Variants in APOL6 observed in about 807,000 individuals in gnomAD.
APOL6 encodes the protein apolipoprotein L6.
APOL6 carries 1 observed loss-of-function variant against 2.4 expected under a neutral mutation model. That is an observed-to-expected ratio of 0.41 (90% CI 0.15 to 1.94). APOL6 has a LOEUF of 1.94. Ranked by LOEUF, APOL6 falls within the 30% of genes most tolerant of loss-of-function variation. The pLI is 0.30. For synonymous variants in APOL6, 189 were observed against 169.3 expected (o/e 1.12, Z -0.90); for missense variants, 438 against 429.2 (o/e 1.02, Z -0.18).
intron 1 of APOL6, among the ~76,000 whole-genome samples, chr22:35,650,952 T>TTA (rs1569133275): frequency 3.8e-4 from 58 of 150,788 alleles, no homozygotes; most frequent in African/African-American, 1.3e-3. Flanking sequence ...AAAATTTTTT[T>TTA]AAAAATAAAG....
rs771248197 is a variant in APOL6 at position 35,659,304 on chromosome 22, A to G, written c.740A>G (p.Tyr247Cys). The change falls in exon 3 of 3, where the codon TAT (tyrosine) becomes TGT (cysteine). Residue 247 changes from tyrosine (Y) to cysteine (C), a missense_variant. Tyr to Cys is a radical substitution (Grantham distance 194). Transcript: ENST00000409652. ...GTGATGTCCGCCTTCTCCCTTGGCT[A>G]TGACTTGGCCACTCTCTCAAAGGAA... ...GGVMSAFSLG[Y>C]DLATLSKEWK... 2 of 1,614,104 alleles carry G rather than the reference A, an allele frequency of 1.2e-6. No individual in the cohort carries two copies. Among genetic ancestry groups the G allele is most frequent in the African/African-American group, 1.3e-5 (1 of 75,026 alleles).
Position 35,663,765 on chromosome 22 carries a change from CAAA to C in APOL6, c.*4172_*4174del, listed in dbSNP as rs1258962963. ...CACCTGGGTTGTTTCCTTTAATGTG[CAAA>C]AATTTAAGGCTATTTAGCTGACAAC... On this transcript the variant is annotated 3_prime_UTR_variant, in exon 3 of 3. Coordinates refer to ENST00000409652, the MANE Select transcript of APOL6 (RefSeq NM_030641.4). 2.0e-5 allele frequency: 3 copies of C among 151,726 alleles called. No individual in the cohort carries two copies. Among genetic ancestry groups the C allele is most frequent in the African/African-American group, 7.3e-5 (3 of 41,284 alleles). The allele number at this position is 151,726 out of a possible 1,614,324, so 9.4% of individuals were successfully genotyped here. A position where few individuals can be genotyped will look rare whatever the true frequency, so the allele number is the denominator to read the frequency against.
chr22:35,656,309 C>T, intron 1 of APOL6, 70 bp from the exon 2 acceptor site: 1 of 1,199,996 alleles, frequency 8.3e-7, no homozygotes, highest in Non-Finnish European at 1.2e-6. Context: ...ATCCAAAATC[C>T]CTCCACACCT....
chr22:35,650,594 G>GTGAA (rs146650911), intron 1 of APOL6, among the ~76,000 whole-genome samples: 7,843 of 152,070 alleles, frequency 0.052, 325 homozygotes, highest in East Asian at 0.19. Flanking sequence ...ATGGCTATAA[G>GTGAA]TGAATGAATG....
chr22:35,655,001 G>T (rs1924806026), intron 1 of APOL6, among the ~76,000 whole-genome samples: 1 of 152,106 alleles, frequency 6.6e-6, no homozygotes, highest in African/African-American at 2.4e-5. Flanking sequence ...TTACTGACTA[G>T]TTTCTTTCTA....
In APOL6 at chr22:35,668,292, A is replaced by G. The variant is rs1290806292; in HGVS notation, c.*8696A>G. ...GATCTCTCATGTCTCCCTAAAATGT[A>G]TAAAACCACGCTGTTCCCCGACCAC... On this transcript the variant is annotated 3_prime_UTR_variant, in exon 3 of 3. Coordinates refer to ENST00000409652, the MANE Select transcript of APOL6 (RefSeq NM_030641.4). The G allele has an allele frequency of 6.6e-6, 1 of 152,220 alleles. No individual in the cohort carries two copies. Among genetic ancestry groups the G allele is most frequent in the Non-Finnish European group, 1.5e-5 (1 of 68,054 alleles). 9.4% of individuals were successfully genotyped at this position (152,220 alleles called of 1,614,324 possible).
At chr22:35,652,856 C>A (rs1188526148) in intron 1 of APOL6, among the ~76,000 whole-genome samples, 16 of 151,136 alleles carry the variant, frequency 1.1e-4, no homozygotes, top group South Asian at 8.5e-4. Flanking sequence ...GTTCTTTTGG[C>A]TTAGGATTGA....
At chr22:35,652,361 G>C (rs1218550002) in intron 1 of APOL6, among the ~76,000 whole-genome samples, 1 of 152,146 alleles carries the variant, frequency 6.6e-6, no homozygotes, top group African/African-American at 2.4e-5. Context: ...TGTTCGCTCT[G>C]ATGGTAGTTT....
At chr22:35,651,877 T>C (rs1041963198) in intron 1 of APOL6, among the ~76,000 whole-genome samples, 1 of 152,276 alleles carries the variant, frequency 6.6e-6, no homozygotes, top group Non-Finnish European at 1.5e-5. Context: ...TGTGTTTTTA[T>C]AGAAGCATGT....
rs1925248655 is a variant in APOL6 at position 35,668,310 on chromosome 22, C to G, written c.*8714C>G. 1.3e-5 allele frequency: 2 copies of G among 152,228 alleles called. No homozygotes were observed. Among genetic ancestry groups the G allele is most frequent in the Non-Finnish European group, 2.9e-5 (2 of 68,042 alleles). 9.4% of individuals were successfully genotyped at this position (152,228 alleles called of 1,614,324 possible). On this transcript the variant is annotated 3_prime_UTR_variant, in exon 3 of 3. Coordinates refer to ENST00000409652, the MANE Select transcript of APOL6 (RefSeq NM_030641.4). ...AAAATGTATAAAACCACGCTGTTCC[C>G]CGACCACCTGGAGCACATGTTCTCA...
rs142114610 is a variant in APOL6 at position 35,658,951 on chromosome 22, G to A, written c.387G>A (p.Thr129=). ...AAGVTSIVSG[T]LERSKNKEAQ... Reference sequence around the variant, plus strand: ...GGGTCACCAGCATCGTGAGTGGTACGTTGGAACGCTCCAAAAATAAAGAAG... The same window carrying A: ...GGGTCACCAGCATCGTGAGTGGTACATTGGAACGCTCCAAAAATAAAGAAG... Residue 129 remains threonine, a synonymous_variant, in exon 3 of 3, where the codon ACG becomes ACA. Transcript: ENST00000409652. 48 of 1,613,828 alleles carry A rather than the reference G, an allele frequency of 3.0e-5. No homozygotes were observed. Among genetic ancestry groups the A allele is most frequent in the African/African-American group, 5.3e-5 (4 of 74,904 alleles).
intron 1 of APOL6, among the ~76,000 whole-genome samples, chr22:35,651,216 C>T (rs894506306): frequency 2.0e-5 from 3 of 152,182 alleles, no homozygotes; most frequent in South Asian, 2.1e-4. Context: ...TTTAGTGTCT[C>T]ACAGTTCTGG....
chr22:35,653,139 A>G (rs970331734), intron 1 of APOL6, among the ~76,000 whole-genome samples: 4 of 151,038 alleles, frequency 2.6e-5, no homozygotes, highest in Admixed American at 6.6e-5. Context: ...ATTCCTAGGT[A>G]TTTTATTCTC....
At chr22:35,650,900 A>G (rs1250123227) in intron 1 of APOL6, among the ~76,000 whole-genome samples, 1 of 151,818 alleles carries the variant, frequency 6.6e-6, no homozygotes, top group Non-Finnish European at 1.5e-5. Flanking sequence ...ATTGTACTCC[A>G]GCCCGGGCAA....
At position 35,668,306 on chromosome 22, in the gene APOL6, T is replaced by C. The variant is rs1925248500; in HGVS notation, c.*8710T>C. The C allele has an allele frequency of 6.6e-6, 1 of 152,258 alleles. No homozygotes were observed. Among genetic ancestry groups the C allele is most frequent in the Admixed American group, 6.5e-5 (1 of 15,286 alleles). 9.4% of individuals were successfully genotyped at this position (152,258 alleles called of 1,614,324 possible). On this transcript the variant is annotated 3_prime_UTR_variant, in exon 3 of 3. Transcript: ENST00000409652. ...CCCTAAAATGTATAAAACCACGCTG[T>C]TCCCCGACCACCTGGAGCACATGTT... is the stretch of plus-strand genomic sequence containing the variant.
At position 35,656,420 on chromosome 22, in the gene APOL6, A is replaced by G; in HGVS notation, c.-6A>G. The G allele has an allele frequency of 1.2e-6, 2 of 1,614,114 alleles. No homozygotes were observed. Among genetic ancestry groups the G allele is most frequent in the Non-Finnish European group, 1.7e-6 (2 of 1,179,964 alleles). On this transcript the variant is annotated 5_prime_UTR_variant, in exon 2 of 3. Coordinates refer to ENST00000409652, the MANE Select transcript of APOL6 (RefSeq NM_030641.4). Reference sequence around the variant, plus strand: ...TGGGGACACAGATTTGCTGCCACAGAGGCTGATGGACAACCAGGCGGAGAG... The same window carrying G: ...TGGGGACACAGATTTGCTGCCACAGGGGCTGATGGACAACCAGGCGGAGAG...
Position 35,658,982 on chromosome 22 carries a change from G to T in APOL6, c.418G>T (p.Ala140Ser), listed in dbSNP as rs145585585. Residue 140 changes from alanine (A) to serine (S), a missense_variant, in exon 3 of 3, where the codon GCA (alanine) becomes TCA (serine). By Grantham distance (99) the Ala-to-Ser change is moderately conservative. Coordinates refer to ENST00000409652, the MANE Select transcript of APOL6 (RefSeq NM_030641.4). ...ACGCTCCAAAAATAAAGAAGCCCAA[G>T]CACGGGCGGAAGACATACTGCCCAC... Reference protein sequence around the residue: ...LERSKNKEAQARAEDILPTYD... With the variant: ...LERSKNKEAQSRAEDILPTYD... The T allele has an allele frequency of 6.2e-7, 1 of 1,613,882 alleles. No individual in the cohort carries two copies. The highest frequency in any genetic ancestry group is 2.2e-5 in the East Asian group (1 of 44,856).
intron 2 of APOL6, among the ~76,000 whole-genome samples, chr22:35,656,832 G>GCA (rs1370442149): frequency 0.026 from 3,949 of 152,340 alleles, 81 homozygotes; most frequent in African/African-American, 0.046. Flanking sequence ...GCCATTTGGT[G>GCA]TTAACAAATT....
chr22:35,657,234 A>G (rs12157362), intron 2 of APOL6, among the ~76,000 whole-genome samples: 11,900 of 152,186 alleles, frequency 0.078, 972 homozygotes, highest in African/African-American at 0.21. Context: ...GGGCTAACCT[A>G]TGGCATCTTT....
Sources: allele counts gnomAD v4.1 joint callset (sites outside exome capture counted in the v4.1 genomes callset), GRCh38; gene constraint gnomAD v4.1.1; transcripts MANE v1.5; gene names NCBI Gene and HGNC (gene_info 2026-07-23, HGNC 2026-07-21).